Variants in PACRG observed in about 807,000 individuals in gnomAD.
PACRG encodes the protein parkin coregulated, also known as parkin coregulated gene protein.
A neutral mutation model predicts 29.7 loss-of-function variants in PACRG; 29 were observed. That is an observed-to-expected ratio of 0.98 (90% CI 0.73 to 1.33). The LOEUF is 1.33. PACRG is among the 40% of genes most tolerant of loss of function. The probability of loss-of-function intolerance (pLI) is 0.00; values close to 1 mark genes in which losing one functional copy is unlikely to be tolerated. For missense variants in PACRG, 279 were observed against 316.2 expected (o/e 0.88, Z 0.89); for synonymous variants, 116 against 118.7 (o/e 0.98, Z 0.15).
At chr6:163,263,689 A>C (rs1783423608) in intron 4 of PACRG, among the ~76,000 whole-genome samples, 1 of 152,222 alleles carries the variant, frequency 6.6e-6, no homozygotes, top group Non-Finnish European at 1.5e-5. Flanking sequence ...CCTATTACCT[A>C]GCAATTTTAT....
chr6:162,930,676 A>G (rs968063635), intron 2 of PACRG, among the ~76,000 whole-genome samples: 18 of 152,010 alleles, frequency 1.2e-4, no homozygotes, highest in African/African-American at 3.6e-4. Context: ...TCCATATCGT[A>G]GAGGAAAGGC....
chr6:163,041,318 C>T (rs1291137816), intron 2 of PACRG, among the ~76,000 whole-genome samples: 1 of 151,772 alleles, frequency 6.6e-6, no homozygotes, highest in African/African-American at 2.4e-5. Flanking sequence ...GCCTGGGTGA[C>T]AGAGCAAGAC....
At chr6:162,955,798 G>C (rs1799977739) in intron 2 of PACRG, among the ~76,000 whole-genome samples, 1 of 152,204 alleles carries the variant, frequency 6.6e-6, no homozygotes, top group Non-Finnish European at 1.5e-5. Flanking sequence ...GTCTGGCACT[G>C]GAAATGGATG....
chr6:163,110,017 C>T (rs1333252341), intron 4 of PACRG, among the ~76,000 whole-genome samples: 1 of 146,350 alleles, frequency 6.8e-6, no homozygotes, highest in Non-Finnish European at 1.5e-5. Flanking sequence ...AGCTTGGCCA[C>T]TGAGATTTCT....
At chr6:163,262,347 C>G (rs577482670) in intron 4 of PACRG, among the ~76,000 whole-genome samples, 1 of 152,318 alleles carries the variant, frequency 6.6e-6, no homozygotes, top group South Asian at 2.1e-4. Flanking sequence ...TTATGTTGTT[C>G]TCTGCCTACC....
intron 2 of PACRG, among the ~76,000 whole-genome samples, chr6:162,843,448 T>A (rs1260230920): frequency 9.5e-3 from 1,160 of 121,516 alleles, no homozygotes; most frequent in East Asian, 0.023. Context: ...TTCAGCTCCA[T>A]CAGCTCCTTT....
At chr6:162,907,409 A>G (rs2128069792) in intron 2 of PACRG, among the ~76,000 whole-genome samples, 1 of 152,206 alleles carries the variant, frequency 6.6e-6, no homozygotes, top group Non-Finnish European at 1.5e-5. Context: ...CATTTCTAAT[A>G]TTTTTTACAT....
chr6:162,772,730 A>T (rs1783316735), intron 1 of PACRG, among the ~76,000 whole-genome samples: 4 of 152,208 alleles, frequency 2.6e-5, no homozygotes, highest in Admixed American at 2.6e-4. Context: ...TAGAGAAAAG[A>T]GGCAGAGAGC....
intron 2 of PACRG, among the ~76,000 whole-genome samples, chr6:163,002,996 G>T (rs1329897182): frequency 6.6e-6 from 1 of 152,060 alleles, no homozygotes; most frequent in Non-Finnish European, 1.5e-5. Context: ...GCAATTTCTG[G>T]CAACACTAGA....
intron 2 of PACRG, among the ~76,000 whole-genome samples, chr6:162,980,171 T>TAC (rs10559588): frequency 0.076 from 11,339 of 150,180 alleles, 1,110 homozygotes; most frequent in African/African-American, 0.23. Flanking sequence ...AACACACACA[T>TAC]ACACACACAC....
chr6:163,021,953 A>C (rs1284028192), intron 2 of PACRG, among the ~76,000 whole-genome samples: 1 of 152,212 alleles, frequency 6.6e-6, no homozygotes, highest in Non-Finnish European at 1.5e-5. Context: ...ATATCCCAAA[A>C]TATTTGATTT....
intron 4 of PACRG, among the ~76,000 whole-genome samples, chr6:163,215,521 GA>G (rs1781328278): frequency 6.6e-6 from 1 of 152,174 alleles, no homozygotes; most frequent in Non-Finnish European, 1.5e-5. Flanking sequence ...ATGTTTTAGG[GA>G]AATATGATAA....
intron 3 of PACRG, among the ~76,000 whole-genome samples, chr6:163,080,797 A>G (rs1161328970): frequency 6.6e-6 from 1 of 152,252 alleles, no homozygotes; most frequent in African/African-American, 2.4e-5. Flanking sequence ...TGAGTTTTGC[A>G]TAAAGATAGT....
At chr6:163,032,942 GA>G (rs1807805214) in intron 2 of PACRG, among the ~76,000 whole-genome samples, 1 of 152,016 alleles carries the variant, frequency 6.6e-6, no homozygotes, top group Non-Finnish European at 1.5e-5. Context: ...TTAGTTTATG[GA>G]AAAGCTGAAA....
chr6:163,257,134 TTAA>T (rs1783145182), intron 4 of PACRG, among the ~76,000 whole-genome samples: 1 of 152,186 alleles, frequency 6.6e-6, no homozygotes, highest in South Asian at 2.1e-4. Flanking sequence ...ACCGAGATCC[TTAA>T]TAACATCTGC....
chr6:163,035,431 G>A (rs917616211), intron 2 of PACRG, among the ~76,000 whole-genome samples: 9 of 151,938 alleles, frequency 5.9e-5, no homozygotes, highest in African/African-American at 9.7e-5. Flanking sequence ...GGCAGATCAC[G>A]AGGTCAGGAG....
chr6:163,292,686 A>C lies in PACRG; in HGVS notation c.614-22141A>C, dbSNP rs1784658050. 2.0e-5 allele frequency among the ~76,000 whole-genome samples: 3 copies of C among 152,074 alleles called. No homozygotes were observed. In the South Asian group the frequency reaches 6.2e-4, roughly 31 times the overall value. On this transcript the variant is annotated intron_variant, in intron 4 of 4. Transcript: ENST00000366888. ...TGATCCACCCTCCTTGGCCTCCCAG[A>C]GTGCTGGGATTACAGGTGTGAGCCA... is the stretch of plus-strand genomic sequence containing the variant.
At chr6:162,742,734 C>G (rs1227512932) in intron 1 of PACRG, among the ~76,000 whole-genome samples, 1 of 151,954 alleles carries the variant, frequency 6.6e-6, no homozygotes, top group Non-Finnish European at 1.5e-5. Context: ...AACTATTCAT[C>G]CATTGGTGGA....
At chr6:163,144,901 A>T (rs1237077759) in intron 4 of PACRG, among the ~76,000 whole-genome samples, 2 of 152,194 alleles carry the variant, frequency 1.3e-5, no homozygotes, top group East Asian at 3.9e-4. Flanking sequence ...TCTGCAAAGG[A>T]TCACTTTCAC....
Sources: gnomAD v4.1 joint callset for allele counts (sites outside exome capture counted in the v4.1 genomes callset) on GRCh38, gnomAD v4.1.1 for gene constraint, MANE v1.5 for transcripts, NCBI Gene and HGNC (gene_info 2026-07-23, HGNC 2026-07-21) for gene names.